The following MYO5A variants were observed in gnomAD, a reference collection of about 807,000 sequenced individuals.
MYO5A encodes the protein myosin VA.
Under a neutral mutation model 249.7 loss-of-function variants are expected in MYO5A, and 98 were observed. That is an observed-to-expected ratio of 0.39 (90% CI 0.33 to 0.46). The LOEUF (loss-of-function observed/expected upper bound fraction) is 0.46, where lower values mean the gene tolerates loss of function less well. Among genes scored for constraint, MYO5A ranks in the 20% least tolerant of loss-of-function variants. The pLI, the probability that MYO5A is intolerant of heterozygous loss-of-function variation, is 0.98. For missense variants in MYO5A, 1,696 were observed against 2,308.8 expected (o/e 0.73, Z 5.44); for synonymous variants, 778 against 810.6 (o/e 0.96, Z 0.68).
chr15:52,421,249 C>T (rs892794538), intron 4 of MYO5A, among the ~76,000 whole-genome samples: 1 of 152,132 alleles, frequency 6.6e-6, no homozygotes, highest in Non-Finnish European at 1.5e-5. Context: ...TGGACCGTGG[C>T]ACACCCTGAG....
intron 25 of MYO5A, among the ~76,000 whole-genome samples, chr15:52,357,488 A>C (rs1210216593): frequency 6.6e-6 from 1 of 151,740 alleles, no homozygotes; most frequent in African/African-American, 2.4e-5. Context: ...TGATGGGTTA[A>C]CTCTTTAGAC....
chr15:52,526,503 A>G (rs983649765), intron 1 of MYO5A, among the ~76,000 whole-genome samples: 33 of 152,172 alleles, frequency 2.2e-4, no homozygotes, highest in African/African-American at 7.7e-4. Flanking sequence ...CTGGGATTAC[A>G]GGCATGCGCC....
intron 25 of MYO5A, among the ~76,000 whole-genome samples, chr15:52,359,669 A>G (rs1217924937): frequency 6.6e-6 from 1 of 152,240 alleles, no homozygotes; most frequent in Non-Finnish European, 1.5e-5. Flanking sequence ...AAATTCCTGT[A>G]AACATATCAT....
At chr15:52,528,407 A>G (rs537229116) in intron 1 of MYO5A, among the ~76,000 whole-genome samples, 20 of 152,300 alleles carry the variant, frequency 1.3e-4, no homozygotes, top group African/African-American at 4.8e-4. Context: ...CATCCGATCT[A>G]CTGGAGCAAG....
intron 6 of MYO5A, among the ~76,000 whole-genome samples, 166 bp downstream of exon 6, chr15:52,410,167 C>T (rs1218478232): frequency 6.6e-6 from 1 of 152,200 alleles, no homozygotes; most frequent in Non-Finnish European, 1.5e-5. Flanking sequence ...TACTCCCTTG[C>T]CTCTAACAGG....
intron 3 of MYO5A, 102 bp from the exon 4 acceptor site, chr15:52,426,076 A>C (rs2075388419): frequency 2.9e-6 from 3 of 1,017,568 alleles, no homozygotes; most frequent in African/African-American, 1.6e-5. Context: ...ACAATCCTTC[A>C]TTTCAATTTA....
intron 1 of MYO5A, chr15:52,505,907 T>C: frequency 6.7e-7 from 1 of 1,483,874 alleles, no homozygotes; most frequent in South Asian, 1.3e-5. Context: ...CTTGAAAGAT[T>C]AAAAAAAAAA....
chr15:52,381,097 TCCCTTCG>T (rs746148495), intron 16 of MYO5A, among the ~76,000 whole-genome samples: 8 of 152,208 alleles, frequency 5.3e-5, no homozygotes, highest in Non-Finnish European at 8.8e-5. Context: ...TAGAAAGGTT[TCCCTTCG>T]GCCAAATGAT....
At chr15:52,394,095 T>A (rs2042380382) in intron 11 of MYO5A, among the ~76,000 whole-genome samples, 1 of 152,190 alleles carries the variant, frequency 6.6e-6, no homozygotes, top group African/African-American at 2.4e-5. Context: ...GTCAATATAG[T>A]AATGCCTTCA....
intron 5 of MYO5A, chr15:52,415,887 G>A: frequency 2.0e-6 from 1 of 493,394 alleles, no homozygotes; most frequent in Non-Finnish European, 3.7e-6. Context: ...GTATTTAGGG[G>A]CAACAATTTT....
intron 1 of MYO5A, among the ~76,000 whole-genome samples, chr15:52,449,756 T>C (rs993279106): frequency 2.6e-5 from 4 of 152,214 alleles, no homozygotes; most frequent in African/African-American, 9.6e-5. Flanking sequence ...TCCCAGCACT[T>C]TGGGAAGCCA....
chr15:52,466,364 C>T (rs936580257), intron 1 of MYO5A, among the ~76,000 whole-genome samples: 1 of 152,078 alleles, frequency 6.6e-6, no homozygotes, highest in East Asian at 1.9e-4. Context: ...TGGGCTCCCC[C>T]CAACCCCACC....
chr15:52,343,093 C>T, intron 31 of MYO5A, 24 bp downstream of exon 31: 1 of 1,582,186 alleles, frequency 6.3e-7, no homozygotes, highest in Non-Finnish European at 8.7e-7. Flanking sequence ...TAATAACATT[C>T]CATTTTGAGG....
intron 1 of MYO5A, among the ~76,000 whole-genome samples, chr15:52,480,673 G>T (rs1309675616): frequency 6.6e-6 from 1 of 152,202 alleles, no homozygotes; most frequent in African/African-American, 2.4e-5. Flanking sequence ...ACACAACTTG[G>T]TTTCCCACAT....
intron 27 of MYO5A, 101 bp downstream of exon 27, chr15:52,353,504 T>A: frequency 1.0e-6 from 1 of 993,790 alleles, no homozygotes; most frequent in Non-Finnish European, 1.6e-6. Context: ...TCTGGTGCAA[T>A]CTCCAACCCT....
chr15:52,421,787 C>T (rs1004664344), intron 4 of MYO5A, among the ~76,000 whole-genome samples: 3 of 152,104 alleles, frequency 2.0e-5, no homozygotes, highest in Non-Finnish European at 2.9e-5. Flanking sequence ...GACACTGTTC[C>T]GTTTTATAGA....
At chr15:52,391,903 C>G (rs1467541542) in intron 12 of MYO5A, 27 bp downstream of exon 12, 3 of 1,608,542 alleles carry the variant, frequency 1.9e-6, no homozygotes, top group Non-Finnish European at 2.6e-6. Flanking sequence ...TTTTGATAAA[C>G]CAAGTACCCC....
At chr15:52,504,057 T>C (rs72738561) in intron 1 of MYO5A, among the ~76,000 whole-genome samples, 20,246 of 59,592 alleles carry the variant, frequency 0.34, 1,427 homozygotes, top group Middle Eastern at 0.48. Flanking sequence ...TCTCCTTCTT[T>C]TTTTTTTTTT....
chr15:52,375,148 A>G (rs1343523512), intron 20 of MYO5A, among the ~76,000 whole-genome samples, 156 bp downstream of exon 20: 3 of 152,170 alleles, frequency 2.0e-5, no homozygotes, highest in Non-Finnish European at 4.4e-5. Flanking sequence ...CTATTTCTAA[A>G]AAAGAATTTT....
Sources: allele counts gnomAD v4.1 joint callset (sites outside exome capture counted in the v4.1 genomes callset), GRCh38; gene constraint gnomAD v4.1.1; transcripts MANE v1.5; gene names NCBI Gene and HGNC (gene_info 2026-07-23, HGNC 2026-07-21).